The following ZNF600 variants were observed in gnomAD, a reference collection of about 807,000 sequenced individuals.
ZNF600 encodes the protein zinc finger protein 600.
Under a neutral mutation model 7.3 loss-of-function variants are expected in ZNF600, and 4 were observed. The ratio of observed to expected loss-of-function variants is 0.55; its 90% CI spans 0.27 to 1.25. ZNF600 has a LOEUF of 1.25. Ranked by LOEUF, ZNF600 falls within the 50% of genes most tolerant of loss-of-function variation. The pLI, the probability that ZNF600 is intolerant of heterozygous loss-of-function variation, is 0.12. For missense variants in ZNF600, 911 were observed against 922.1 expected, an observed-to-expected ratio of 0.99 and a Z score of 0.16; for synonymous variants, 290 against 308.9, an observed-to-expected ratio of 0.94 and a Z score of 0.64.
the ZNF600 span, among the ~76,000 whole-genome samples, chr19:52,809,109 T>C: frequency 6.6e-6 from 1 of 152,180 alleles, no homozygotes; most frequent in Non-Finnish European, 1.5e-5. Flanking sequence ...AAGAGGAATC[T>C]CATCTTGCTG....
upstream of ZNF600, among the ~76,000 whole-genome samples, chr19:52,790,312 C>A (rs2147600035): frequency 6.6e-6 from 1 of 152,248 alleles, no homozygotes; most frequent in South Asian, 2.1e-4. Flanking sequence ...GCCTGGCCAA[C>A]ATGGTGAAAC....
intron 2 of ZNF600, among the ~76,000 whole-genome samples, chr19:52,778,253 G>A (rs1448537570): frequency 6.6e-6 from 1 of 151,734 alleles, no homozygotes; most frequent in East Asian, 1.9e-4. Flanking sequence ...ACCTCAAGTG[G>A]TCTTCCTGCC....
In ZNF600 at chr19:52,766,598, G is replaced by C; in HGVS notation, c.1365C>G (p.Tyr455Ter). 5 of 1,614,104 alleles carry C rather than the reference G, an allele frequency of 3.1e-6. No homozygotes were observed. Among genetic ancestry groups the C allele is most frequent in the Non-Finnish European group, 4.2e-6 (5 of 1,180,022 alleles). The change falls in exon 4 of 4, where the codon TAC (tyrosine) becomes TAG (stop). Residue 455 changes from tyrosine (Y) to a stop codon, truncating the protein, a stop_gained. Coordinates refer to ENST00000648973, the Ensembl canonical transcript of ZNF600. LOFTEE classifies it low-confidence loss of function (END_TRUNC). ...AAGCCTTGTCACAGACCTTACATTT[G>C]TAAGATTTCTCTCCACCATGAAGTC...
chr19:52,786,159 C>T (rs1037726794), intron 1 of ZNF600, among the ~76,000 whole-genome samples: 46 of 152,038 alleles, frequency 3.0e-4, no homozygotes, highest in Non-Finnish European at 6.3e-4. Flanking sequence ...GGGGGTGGAG[C>T]TGGACAGGAA....
chr19:52,784,215 C>A (rs1224638502), intron 1 of ZNF600, among the ~76,000 whole-genome samples: 1 of 151,212 alleles, frequency 6.6e-6, no homozygotes, highest in African/African-American at 2.4e-5. Context: ...ATACTGAAAC[C>A]CTGTTTCTAC....
the ZNF600 span, chr19:52,801,372 C>T: frequency 6.2e-7 from 1 of 1,614,150 alleles, no homozygotes; most frequent in South Asian, 1.1e-5. Flanking sequence ...ACCAATTTTC[C>T]CTTCAGGCTG....
chr19:52,793,764 CCACACACACACA>C, the ZNF600 span, among the ~76,000 whole-genome samples: 6,182 of 138,710 alleles, frequency 0.045, 208 homozygotes, highest in Admixed American at 0.083. Context: ...CCAAACTCTG[CCACACACACACA>C]CACACACACA....
chr19:52,768,142 G>A (rs1233429015), intron 3 of ZNF600, among the ~76,000 whole-genome samples: 1 of 151,164 alleles, frequency 6.6e-6, no homozygotes, highest in Non-Finnish European at 1.5e-5. Flanking sequence ...CATATTTACT[G>A]TGTACAAATG....
chr19:52,777,303 A>G (rs1210669384), intron 2 of ZNF600, among the ~76,000 whole-genome samples: 3 of 152,098 alleles, frequency 2.0e-5, no homozygotes, highest in Non-Finnish European at 2.9e-5. Flanking sequence ...GCTTGAAGCC[A>G]GAAGGCAGAG....
the ZNF600 span, among the ~76,000 whole-genome samples, chr19:52,817,250 T>C: frequency 2.6e-5 from 4 of 152,032 alleles, no homozygotes; most frequent in African/African-American, 9.7e-5. Flanking sequence ...CGCATGCTTG[T>C]AATGCCAGCT....
upstream of ZNF600, among the ~76,000 whole-genome samples, chr19:52,791,221 C>T (rs549326210): frequency 2.9e-4 from 44 of 152,344 alleles, no homozygotes; most frequent in Admixed American, 5.2e-4. Flanking sequence ...TGTGCAGCAG[C>T]ACTGACACCA....
the ZNF600 span, among the ~76,000 whole-genome samples, chr19:52,826,921 C>T: frequency 6.6e-6 from 1 of 152,040 alleles, no homozygotes; most frequent in African/African-American, 2.4e-5. Flanking sequence ...TCCAGCCAGG[C>T]TGGCTGTCTC....
At chr19:52,825,710 G>C in the ZNF600 span, among the ~76,000 whole-genome samples, 2 of 152,012 alleles carry the variant, frequency 1.3e-5, no homozygotes, top group African/African-American at 2.4e-5. Context: ...ATTTGGCCGG[G>C]CACAGTGGCT....
the ZNF600 span, chr19:52,798,852 C>T: frequency 1.6e-6 from 2 of 1,254,326 alleles, no homozygotes; most frequent in African/African-American, 3.0e-5. Context: ...TTATATTAGT[C>T]AAGTTTCCCT....
chr19:52,767,434 C>G lies in ZNF600; in HGVS notation c.529G>C (p.Gly177Arg), dbSNP rs2062595193. The stretch of plus-strand genomic sequence containing the variant: ...CTGGTAGACTTCTCAAATTGATTAC[C>G]AATTTTACCTTTGATCTGAATTATG... Residue 177 changes from glycine (G) to arginine (R), a missense_variant, in exon 4 of 4, where the codon GGT becomes CGT. Transcript: ENST00000648973. 4 of 1,614,048 alleles carry G rather than the reference C, an allele frequency of 2.5e-6. No individual in the cohort carries two copies. The East Asian group carries it at 6.7e-5, about 27-fold the overall frequency.
the ZNF600 span, among the ~76,000 whole-genome samples, chr19:52,791,954 C>A: frequency 6.6e-6 from 1 of 152,240 alleles, no homozygotes; most frequent in African/African-American, 2.4e-5. Flanking sequence ...AGCTTCGATG[C>A]TCAATGCTGC....
At chr19:52,803,144 A>C in the ZNF600 span, among the ~76,000 whole-genome samples, 1 of 152,094 alleles carries the variant, frequency 6.6e-6, no homozygotes. Context: ...CAATGGTATG[A>C]TCTTGGCTCA....
upstream of ZNF600, among the ~76,000 whole-genome samples, chr19:52,786,999 A>G (rs149959641): frequency 4.5e-4 from 68 of 152,386 alleles, no homozygotes; most frequent in African/African-American, 8.7e-4. Context: ...CCCTGGAATT[A>G]TCTGGAACGG....
At chr19:52,824,942 C>G in the ZNF600 span, among the ~76,000 whole-genome samples, 1 of 152,192 alleles carries the variant, frequency 6.6e-6, no homozygotes, top group South Asian at 2.1e-4. Flanking sequence ...ACCAAAAATA[C>G]AAAAATTAGC....
Sources: gnomAD v4.1 joint callset for allele counts (sites outside exome capture counted in the v4.1 genomes callset) on GRCh38, gnomAD v4.1.1 for gene constraint, MANE v1.5 for transcripts, NCBI Gene and HGNC (gene_info 2026-07-23, HGNC 2026-07-21) for gene names.